Variants in MAN1B1 observed in about 807,000 individuals in gnomAD.
MAN1B1 encodes the protein mannosidase alpha class 1B member 1, also known as endoplasmic reticulum mannosyl-oligosaccharide 1,2-alpha-mannosidase.
Under a neutral mutation model 75.5 loss-of-function variants are expected in MAN1B1, and 66 were observed. The observed-to-expected ratio is 0.87, with a 90% confidence interval of 0.72 to 1.07. MAN1B1 has a LOEUF of 1.07. Ranked by LOEUF, MAN1B1 falls within the 50% of genes least tolerant of loss-of-function variation. The pLI, the probability that MAN1B1 is intolerant of heterozygous loss-of-function variation, is 0.00. For missense variants in MAN1B1, 973 were observed against 912.5 expected (o/e 1.07, Z -0.85); for synonymous variants, 453 against 382.8 (o/e 1.18, Z -2.14).
Position 137,106,225 on chromosome 9 carries a change from A to C in MAN1B1, c.1355A>C (p.His452Pro), listed in dbSNP as rs1164564343. ...FINTHSGLFTHLGVFTLGARA... is the reference protein window; with the variant it reads ...FINTHSGLFTPLGVFTLGARA... Reference sequence around the variant, plus strand: ...AATACCCACAGTGGCCTCTTCACCCACCTGGGCGTATTCACGCTGGGCGCC... The same window carrying C: ...AATACCCACAGTGGCCTCTTCACCCCCCTGGGCGTATTCACGCTGGGCGCC... Residue 452 changes from histidine to proline, a missense_variant, in exon 9 of 13, where the codon CAC becomes CCC. By Grantham distance (77) the His-to-Pro change is moderately conservative (BLOSUM62 -2). Coordinates refer to ENST00000371589, the MANE Select transcript of MAN1B1 (RefSeq NM_016219.5). The C allele has an allele frequency of 6.2e-7, 1 of 1,606,774 alleles. No individual in the cohort carries two copies. The highest frequency in any genetic ancestry group is 1.1e-5 in the South Asian group (1 of 89,734).
In MAN1B1 at chr9:137,105,692, G is replaced by C. The variant is rs987832707; in HGVS notation, c.1255-433G>C. 7 of 345,664 alleles carry C rather than the reference G, an allele frequency of 2.0e-5. No homozygotes were observed. The Admixed American group carries it at 2.9e-4, about 14-fold the overall frequency. The allele number at this position is 345,664 out of a possible 1,614,324, so 21.4% of individuals were successfully genotyped here. On this transcript the variant is annotated intron_variant, in intron 8 of 12. Coordinates refer to ENST00000371589, the MANE Select transcript of MAN1B1 (RefSeq NM_016219.5). ...GAGGATGAGTAGGAGCTCACCAGGA[G>C]GGCGTGGAGCCGAGGCGTTTAATAT...
At chr9:137,106,032 G>C in intron 8 of MAN1B1, 93 bp from the exon 9 acceptor site, 1 of 987,048 alleles carries the variant, frequency 1.0e-6, no homozygotes, top group African/African-American at 1.6e-5. Context: ...TCGGTGCTGG[G>C]GCGAGGGGAG....
intron 1 of MAN1B1, chr9:137,087,431 G>A (rs1015785775): frequency 2.8e-6 from 2 of 716,074 alleles, no homozygotes; most frequent in Non-Finnish European, 5.0e-6. Flanking sequence ...AAATTCTGCG[G>A]GGCGGTGGTG....
At chr9:137,105,274 G>A (rs1362561039) in intron 8 of MAN1B1, 1 of 153,308 alleles carries the variant, frequency 6.5e-6, no homozygotes, top group Non-Finnish European at 1.5e-5. Context: ...TTTTAATCAT[G>A]AGCTGGACAC....
At chr9:137,104,056 G>A (rs1757305671) in intron 8 of MAN1B1, 5 of 457,346 alleles carry the variant, frequency 1.1e-5, no homozygotes, top group South Asian at 6.2e-5. Flanking sequence ...CATTCATGCT[G>A]TTGTGCAGCT....
In MAN1B1 at chr9:137,103,052, G is replaced by A. The variant is rs1392420618; in HGVS notation, c.1254+1380G>A. 1.0e-3 allele frequency: 454 copies of A among 441,114 alleles called. 1 individual carries two copies. In the Admixed American group the frequency reaches 0.01, roughly 10 times the overall value. The allele number at this position is 441,114 out of a possible 1,614,324, so 27.3% of individuals were successfully genotyped here. A position where few individuals can be genotyped will look rare whatever the true frequency, so the allele number is the denominator to read the frequency against. On this transcript the variant is annotated intron_variant, in intron 8 of 12. Coordinates refer to ENST00000371589, the MANE Select transcript of MAN1B1 (RefSeq NM_016219.5). ...GTGTTACATTCACACTGTTGCAGGC[G>A]TGCAGGTTGGTGTTACACACATTCA... is the stretch of plus-strand genomic sequence containing the variant.
In MAN1B1 at chr9:137,108,798, G is replaced by A. The variant is rs1488299000; in HGVS notation, c.*207G>A. 1.4e-6 allele frequency: 1 copy of A among 695,264 alleles called. No homozygotes were observed. Among genetic ancestry groups the A allele is most frequent in the Non-Finnish European group, 2.6e-6 (1 of 381,072 alleles). The allele number at this position is 695,264 out of a possible 1,614,324, so 43.1% of individuals were successfully genotyped here. A position where few individuals can be genotyped will look rare whatever the true frequency, so the allele number is the denominator to read the frequency against. On this transcript the variant is annotated 3_prime_UTR_variant, in exon 13 of 13. Coordinates refer to ENST00000371589, the MANE Select transcript of MAN1B1 (RefSeq NM_016219.5). ...TCTTGGTGTGATGCGGGGTGGGCTG[G>A]GCCGCTGGAGCCTCCGCCTGCTTCC...
chr9:137,092,402 G>A (rs886310546), intron 3 of MAN1B1, among the ~76,000 whole-genome samples: 8 of 152,126 alleles, frequency 5.3e-5, no homozygotes, highest in Non-Finnish European at 1.2e-4. Flanking sequence ...GAGGGTTAGG[G>A]GCTGGATTGG....
Position 137,107,180 on chromosome 9 carries a change from G to A in MAN1B1, c.1567-70G>A, listed in dbSNP as rs1006087081. 2.6e-6 allele frequency: 4 copies of A among 1,528,604 alleles called. No homozygotes were observed. In the African/African-American group the frequency reaches 5.5e-5, roughly 21 times the overall value. The allele number at this position is 1,528,604 out of a possible 1,614,324, so 94.7% of individuals were successfully genotyped here. The stretch of plus-strand genomic sequence containing the variant: ...CGAGGCAGCGCTGGGCTCCCACGTT[G>A]GCTGCCCGTGCAGCTGCAGGCTGAG... On this transcript the variant is annotated intron_variant, in intron 10 of 12. Coordinates refer to ENST00000371589, the MANE Select transcript of MAN1B1 (RefSeq NM_016219.5).
chr9:137,105,378 C>G (rs1831058090), intron 8 of MAN1B1: 1 of 169,742 alleles, frequency 5.9e-6, no homozygotes, highest in African/African-American at 2.5e-5. Flanking sequence ...GTGAGGCTCC[C>G]ATGCAGACAT....
chr9:137,106,549 G>C (rs1831114846), intron 9 of MAN1B1, 140 bp from the exon 10 acceptor site: 1 of 1,365,780 alleles, frequency 7.3e-7, no homozygotes, highest in Non-Finnish European at 1.0e-6. Flanking sequence ...GAGGGCCATG[G>C]GCTGTGCAGG....
At chr9:137,089,221 TTC>T (rs1252308269) in intron 3 of MAN1B1, 1 of 632,918 alleles carries the variant, frequency 1.6e-6, no homozygotes, top group African/African-American at 1.8e-5. Flanking sequence ...CCGGTTTTAC[TTC>T]TGACTGTGCA....
At position 137,106,702 on chromosome 9, in the gene MAN1B1, T is replaced by C; in HGVS notation, c.1459T>C (p.Tyr487His). 6.2e-7 allele frequency: 1 copy of C among 1,613,478 alleles called. No homozygotes were observed. Among genetic ancestry groups the C allele is most frequent in the Non-Finnish European group, 8.5e-7 (1 of 1,179,988 alleles). The change falls in exon 10 of 13, where the codon TAC (tyrosine) becomes CAC (histidine). Residue 487 changes from tyrosine (Y) to histidine (H), a missense_variant. By Grantham distance (83) the Tyr-to-His change is moderately conservative. Coordinates refer to ENST00000371589, the MANE Select transcript of MAN1B1 (RefSeq NM_016219.5). ...TGGTGTCCACAGGCTGCTGGAAGACTACGTGGAAGCCATCGAGGGTGTCAG... is the reference window on the plus strand; with the variant it reads ...TGGTGTCCACAGGCTGCTGGAAGACCACGTGGAAGCCATCGAGGGTGTCAG... ...GKQETQLLED[Y>H]VEAIEGVRTH...
In MAN1B1 at chr9:137,088,889, G is replaced by A. The variant is rs1830447903; in HGVS notation, c.349G>A (p.Glu117Lys). Residue 117 changes from glutamate to lysine, a missense_variant, in exon 3 of 13, where the codon GAA becomes AAA. By Grantham distance (56) the Glu-to-Lys change is moderately conservative (BLOSUM62 1). Coordinates refer to ENST00000371589, the MANE Select transcript of MAN1B1 (RefSeq NM_016219.5). ...TTCAGCTCTGGCTTTCAGGCTAGAG[G>A]AAGAGCAGAAGATGAGGCCAGAAAT... ...HWKALAFRLE[E>K]EQKMRPEIAG... 2.5e-6 allele frequency: 4 copies of A among 1,613,832 alleles called. No homozygotes were observed. Among genetic ancestry groups the A allele is most frequent in the Non-Finnish European group, 3.4e-6 (4 of 1,180,048 alleles).
chr9:137,096,481 A>C, intron 4 of MAN1B1, 90 bp downstream of exon 4: 1 of 1,493,928 alleles, frequency 6.7e-7, no homozygotes, highest in Non-Finnish European at 9.1e-7. Context: ...TCTGAGATCT[A>C]TTTTCCTTTG....
intron 9 of MAN1B1, 163 bp from the exon 10 acceptor site, chr9:137,106,526 G>C: frequency 2.5e-6 from 3 of 1,190,796 alleles, no homozygotes; most frequent in Non-Finnish European, 3.6e-6. Context: ...GGGGTGAGGG[G>C]GGCATCTTCA....
chr9:137,096,525 A>G lies in MAN1B1; in HGVS notation c.620+134A>G, dbSNP rs529325821. The G allele has an allele frequency of 1.9e-4, 232 of 1,248,022 alleles. 6 individuals are homozygous for G. The South Asian group carries it at 2.9e-3, about 16-fold the overall frequency. 77.3% of individuals were successfully genotyped at this position (1,248,022 alleles called of 1,614,324 possible). A position where few individuals can be genotyped will look rare whatever the true frequency, so the allele number is the denominator to read the frequency against. On this transcript the variant is annotated intron_variant, in intron 4 of 12. Coordinates refer to ENST00000371589, the MANE Select transcript of MAN1B1 (RefSeq NM_016219.5). ...AGTGTATGCTCTGTAATCTGTCCTC[A>G]TTAACCTTAGATTACAGAATCGAAT...
At position 137,109,119 on chromosome 9, in the gene MAN1B1, C is replaced by T; in HGVS notation, c.*528C>T. 1 of 455,098 alleles carries T rather than the reference C, an allele frequency of 2.2e-6. No homozygotes were observed. The highest frequency in any genetic ancestry group is 1.6e-5 in the South Asian group (1 of 64,490). 28.2% of individuals were successfully genotyped at this position (455,098 alleles called of 1,614,324 possible). On this transcript the variant is annotated 3_prime_UTR_variant, in exon 13 of 13. Transcript: ENST00000371589. ...TTGGAGGGCTGGACGGCAAGTCCGT[C>T]TAGCTCACGGGCCCCTCCAGTGGAA...
At chr9:137,106,562 G>A in intron 9 of MAN1B1, 127 bp from the exon 10 acceptor site, 1 of 1,461,598 alleles carries the variant, frequency 6.8e-7, no homozygotes, top group Non-Finnish European at 9.5e-7. Flanking sequence ...TGTGCAGGGT[G>A]GCACCTTCTG....
Sources: gnomAD v4.1 joint callset for allele counts (sites outside exome capture counted in the v4.1 genomes callset) on GRCh38, gnomAD v4.1.1 for gene constraint, MANE v1.5 for transcripts, NCBI Gene and HGNC (gene_info 2026-07-23, HGNC 2026-07-21) for gene names.